LHCGR: variants seen among roughly 807,000 people sequenced by gnomAD.
LHCGR encodes the protein lutropin-choriogonadotropic hormone receptor.
In LHCGR, 55 loss-of-function variants were observed where a neutral mutation model predicts 60.7. The observed-to-expected ratio is 0.91, with a 90% CI of 0.73 to 1.13. The LOEUF is 1.13. LHCGR is among the 50% of genes most tolerant of loss of function. The probability of loss-of-function intolerance (pLI) is 0.00; values close to 1 mark genes in which losing one functional copy is unlikely to be tolerated. For synonymous variants in LHCGR, 337 were observed against 316.5 expected (o/e 1.06, Z -0.69); for missense variants, 862 against 836.0 (o/e 1.03, Z -0.38).
chr2:48,717,450 C>T (rs1481364647), intron 6 of LHCGR, among the ~76,000 whole-genome samples: 1 of 152,046 alleles, frequency 6.6e-6, no homozygotes, highest in Non-Finnish European at 1.5e-5. Flanking sequence ...TAGTATCAAC[C>T]TCATAAAGCT....
chr2:48,688,191 CA>C lies in LHCGR; in HGVS notation c.1605del (p.Asn535LysfsTer7), dbSNP rs1464056673. 1 of 1,614,154 alleles carries C rather than the reference CA, an allele frequency of 6.2e-7. No homozygotes were observed. The part of the protein sequence containing the change: ...QVYILTILIL[N>X]VVAFFIICAC... ...GCACAAATTATGAAGAAGGCCACCA[CA>C]TTGAGAATCAGGATGGTTAATATAT... is the stretch of plus-strand genomic sequence containing the variant. On this transcript the variant is annotated frameshift_variant, in exon 11 of 11. Coordinates refer to ENST00000294954, the MANE Select transcript of LHCGR (RefSeq NM_000233.4). LOFTEE classifies it high-confidence loss of function. The surrounding 1 kb of genome is among the most constrained non-coding windows in gnomAD (Gnocchi z 5.2).
intron 8 of LHCGR, among the ~76,000 whole-genome samples, chr2:48,702,662 T>C (rs988101650): frequency 6.6e-6 from 1 of 152,214 alleles, no homozygotes; most frequent in African/African-American, 2.4e-5. Context: ...CAGTCTATTA[T>C]TGATGGACAT....
rs550275548 is a variant in LHCGR at position 48,725,766 on chromosome 2, GA to G, written c.309-17del. 154 of 1,561,718 alleles carry G rather than the reference GA, an allele frequency of 9.9e-5. No individual in the cohort carries two copies. Among genetic ancestry groups the G allele is most frequent in the Middle Eastern group, 1.7e-4 (1 of 5,936 alleles). Reference sequence around the variant, plus strand: ...CTGGATCAGTCTGTAAAGAGAGAGGGAAAAAAAAAGCTGCTGTTTAATAGAT... The same window carrying G: ...CTGGATCAGTCTGTAAAGAGAGAGGGAAAAAAAAGCTGCTGTTTAATAGAT... On this transcript the variant is annotated splice_polypyrimidine_tract_variant and intron_variant, in intron 3 of 10. Coordinates refer to ENST00000294954, the MANE Select transcript of LHCGR (RefSeq NM_000233.4).
At chr2:48,749,155 G>T (rs1045265263) in intron 1 of LHCGR, among the ~76,000 whole-genome samples, 8 of 152,182 alleles carry the variant, frequency 5.3e-5, no homozygotes, top group South Asian at 4.1e-4. Context: ...TGGCTGAGGT[G>T]GCATTAAGGA....
intron 1 of LHCGR, among the ~76,000 whole-genome samples, chr2:48,740,597 G>A (rs1160561105): frequency 6.6e-6 from 1 of 152,026 alleles, no homozygotes; most frequent in East Asian, 1.9e-4. Flanking sequence ...CACCTCACAT[G>A]GCCGGGTACT....
chr2:48,699,155 C>T (rs957735137), intron 8 of LHCGR, among the ~76,000 whole-genome samples: 3 of 152,066 alleles, frequency 2.0e-5, no homozygotes, highest in African/African-American at 7.2e-5. Context: ...GAGAATGAAA[C>T]CTCCCCTCAA....
At position 48,699,043 on chromosome 2, in the gene LHCGR, G is replaced by C. The variant is rs2037614; in HGVS notation, c.681-243C>G. Among the ~76,000 whole-genome samples, 148,957 of 152,116 alleles carry C rather than the reference G, an allele frequency of 0.98. 72,939 individuals are homozygous for C. The highest frequency in any genetic ancestry group is 1 in the East Asian group (5,131 of 5,134). ...GTTTCACCGTGTTAGCCAGGATGGT[G>C]TCGATCTTCTGACCTCGTGATCCGC... is the stretch of plus-strand genomic sequence containing the variant. On this transcript the variant is annotated intron_variant, in intron 8 of 10. Transcript: ENST00000294954.
intron 1 of LHCGR, among the ~76,000 whole-genome samples, chr2:48,742,543 C>A (rs1176674753): frequency 6.6e-6 from 1 of 151,750 alleles, no homozygotes; most frequent in African/African-American, 2.4e-5. Flanking sequence ...GAATCTCACT[C>A]AAAACCGCTC....
At chr2:48,749,749 C>T (rs374772934) in intron 1 of LHCGR, among the ~76,000 whole-genome samples, 1 of 151,702 alleles carries the variant, frequency 6.6e-6, no homozygotes. Flanking sequence ...GAAGAAAAAC[C>T]CAAGGAATTA....
chr2:48,752,215 G>C (rs575786903), intron 1 of LHCGR, among the ~76,000 whole-genome samples: 2 of 152,190 alleles, frequency 1.3e-5, no homozygotes, highest in South Asian at 4.1e-4. Context: ...TTCAAAATTT[G>C]TAAGCAGCAG....
chr2:48,699,672 GTTCTCTAATGCA>G (rs1166683431), intron 8 of LHCGR, among the ~76,000 whole-genome samples: 3 of 152,132 alleles, frequency 2.0e-5, no homozygotes, highest in Non-Finnish European at 2.9e-5. Flanking sequence ...TCTAATGCAT[GTTCTCTAATGCA>G]TTCTCTAATG....
Position 48,688,185 on chromosome 2 carries a change from C to A in LHCGR, c.1612G>T (p.Ala538Ser), listed in dbSNP as rs1680002012. Residue 538 changes from alanine (A) to serine (S), a missense_variant, in exon 11 of 11, where the codon GCC (alanine) becomes TCC (serine). By Grantham distance (99) the Ala-to-Ser change is moderately conservative. Transcript: ENST00000294954. This position sits in a 1 kb window ranked among gnomAD's most constrained non-coding sequence, Gnocchi z 5.2. ...ILTILILNVV[A>S]FFIICACYIK... ...TAGCAAGCACAAATTATGAAGAAGGCCACCACATTGAGAATCAGGATGGTT... is the reference window on the plus strand; with the variant it reads ...TAGCAAGCACAAATTATGAAGAAGGACACCACATTGAGAATCAGGATGGTT... The A allele has an allele frequency of 6.2e-7, 1 of 1,613,938 alleles. No homozygotes were observed. Among genetic ancestry groups the A allele is most frequent in the Non-Finnish European group, 8.5e-7 (1 of 1,180,006 alleles).
chr2:48,745,917 A>G lies in LHCGR; in HGVS notation c.161+9594T>C, dbSNP rs796235243. Among the ~76,000 whole-genome samples the G allele has an allele frequency of 3.9e-5, 6 of 152,206 alleles. 1 individual carries two copies. Among genetic ancestry groups the G allele is most frequent in the African/African-American group, 1.4e-4 (6 of 41,554 alleles). On this transcript the variant is annotated intron_variant, in intron 1 of 10. Coordinates refer to ENST00000294954, the MANE Select transcript of LHCGR (RefSeq NM_000233.4). ...GTCCGTCTCAGGTACTACATACTCT[A>G]TGGAAAGGGTTTTCATCACCAGTGG...
intron 1 of LHCGR, among the ~76,000 whole-genome samples, chr2:48,751,967 T>C (rs1160429700): frequency 2.6e-5 from 4 of 152,372 alleles, no homozygotes; most frequent in South Asian, 2.1e-4. Context: ...TCTGTTGTCA[T>C]AGAGACAAAG....
chr2:48,695,114 C>G (rs1667053478), intron 9 of LHCGR, among the ~76,000 whole-genome samples: 1 of 151,952 alleles, frequency 6.6e-6, no homozygotes, highest in South Asian at 2.1e-4. Context: ...CTATTCATGC[C>G]CTTTGCCCAT....
Position 48,694,319 on chromosome 2 carries a change from G to A in LHCGR, c.867-15C>T. On this transcript the variant is annotated splice_polypyrimidine_tract_variant and intron_variant, in intron 9 of 10. Coordinates refer to ENST00000294954, the MANE Select transcript of LHCGR (RefSeq NM_000233.4). ...AAAAATTCTGTCTGAAAGAGAAGAG[G>A]TTAAAAAAAGCATTTGAGCTTTTGG... is the stretch of plus-strand genomic sequence containing the variant. 4 of 1,537,650 alleles carry A rather than the reference G, an allele frequency of 2.6e-6. No homozygotes were observed. The highest frequency in any genetic ancestry group is 3.6e-6 in the Non-Finnish European group (4 of 1,115,704).
At chr2:48,729,763 A>G (rs1668905175) in intron 2 of LHCGR, among the ~76,000 whole-genome samples, 2 of 152,180 alleles carry the variant, frequency 1.3e-5, no homozygotes, top group Non-Finnish European at 2.9e-5. Context: ...ACTCCTGCAC[A>G]TGGTATCCAT....
intron 1 of LHCGR, chr2:48,733,051 G>C: frequency 2.0e-6 from 1 of 509,124 alleles, no homozygotes. Flanking sequence ...TAAAAACACA[G>C]TTTTATTGCT....
intron 6 of LHCGR, chr2:48,720,165 A>G (rs1031162302): frequency 1.3e-5 from 2 of 152,210 alleles, no homozygotes; most frequent in East Asian, 3.9e-4. Context: ...TGTCCCTGTC[A>G]TTAGAAAACC....
Sources: allele counts gnomAD v4.1 joint callset (sites outside exome capture counted in the v4.1 genomes callset), GRCh38; gene constraint gnomAD v4.1.1; non-coding constraint Gnocchi (gnomAD v3.1); transcripts MANE v1.5; gene names NCBI Gene and HGNC (gene_info 2026-07-23, HGNC 2026-07-21).